GORAB: variants seen among roughly 807,000 people sequenced by gnomAD.
GORAB encodes the protein golgin, RAB6 interacting.
Under a neutral mutation model 29.9 loss-of-function variants are expected in GORAB, and 17 were observed. The ratio of observed to expected loss-of-function variants is 0.57; its 90% confidence interval spans 0.39 to 0.85. GORAB has a LOEUF of 0.85. GORAB is among the 40% of genes least tolerant of loss of function. GORAB has a pLI of 0.00. For missense variants in GORAB, 442 were observed against 437.8 expected, an observed-to-expected ratio of 1.01 and a Z score of -0.09; for synonymous variants, 183 against 157.2, an observed-to-expected ratio of 1.16 and a Z score of -1.23.
intron 2 of GORAB, among the ~76,000 whole-genome samples, chr1:170,540,237 G>C (rs916441005): frequency 6.6e-6 from 1 of 151,950 alleles, no homozygotes; most frequent in Non-Finnish European, 1.5e-5. Flanking sequence ...ATTCTTTACT[G>C]TCTTTGTATT....
At chr1:170,544,486 T>A (rs978103881) in intron 3 of GORAB, among the ~76,000 whole-genome samples, 1 of 152,238 alleles carries the variant, frequency 6.6e-6, no homozygotes, top group Non-Finnish European at 1.5e-5. Flanking sequence ...TGAGTTTTTT[T>A]AGACTTATTT....
chr1:170,545,485 A>T (rs1649701301), intron 4 of GORAB: 4 of 983,196 alleles, frequency 4.1e-6, no homozygotes, highest in African/African-American at 1.7e-5. Context: ...GAGTATTTTT[A>T]AAATGAACTA....
chr1:170,540,763 C>T (rs1649366168), intron 2 of GORAB, among the ~76,000 whole-genome samples: 1 of 152,100 alleles, frequency 6.6e-6, no homozygotes, highest in South Asian at 2.1e-4. Flanking sequence ...AGACCTGTAA[C>T]CTCAAACCAT....
chr1:170,532,255 A>G lies in GORAB; in HGVS notation c.32A>G (p.Glu11Gly), dbSNP rs145575524. 1.9e-6 allele frequency: 3 copies of G among 1,613,946 alleles called. No homozygotes were observed. The African/African-American group carries it at 4.0e-5, about 22-fold the overall frequency. ...CAAGGTTGGGCAGGATTCTCTGAGG[A>G]GGAACTGAGGAGACTAAAGCAGACT... The part of the protein sequence containing the change: MAQGWAGFSE[E>G]ELRRLKQTKD... Residue 11 changes from glutamate (E) to glycine (G), a missense_variant, in exon 1 of 5, where the codon GAG (glutamate) becomes GGG (glycine). By Grantham distance (98) the Glu-to-Gly change is moderately conservative. Transcript: ENST00000367763.
chr1:170,535,978 A>G (rs1267801482), intron 1 of GORAB, among the ~76,000 whole-genome samples: 3 of 152,174 alleles, frequency 2.0e-5, no homozygotes, highest in South Asian at 2.1e-4. Flanking sequence ...GCACCCAGCC[A>G]GTATTCTTGA....
intron 2 of GORAB, among the ~76,000 whole-genome samples, chr1:170,541,317 T>G (rs543087309): frequency 6.6e-6 from 1 of 151,948 alleles, no homozygotes; most frequent in East Asian, 1.9e-4. Flanking sequence ...GGGGATGCCT[T>G]CCTTCCTAGC....
Position 170,539,190 on chromosome 1 carries a change from C to T in GORAB, c.62-20C>T. ...TTGCTGCCCACACAAAGGAATTTTC[C>T]TCTATTTTCTTTTACATAGATCCAT... is the stretch of plus-strand genomic sequence containing the variant. On this transcript the variant is annotated intron_variant, in intron 1 of 4. Coordinates refer to ENST00000367763, the MANE Select transcript of GORAB (RefSeq NM_152281.3). 6.2e-7 allele frequency: 1 copy of T among 1,613,712 alleles called. No homozygotes were observed. The highest frequency in any genetic ancestry group is 8.5e-7 in the Non-Finnish European group (1 of 1,179,814).
At chr1:170,543,874 G>T (rs1649595632) in intron 3 of GORAB, among the ~76,000 whole-genome samples, 1 of 152,118 alleles carries the variant, frequency 6.6e-6, no homozygotes, top group Non-Finnish European at 1.5e-5. Flanking sequence ...GAATCATACT[G>T]TTAAGTGAAG....
chr1:170,537,675 G>A (rs769434945), intron 1 of GORAB, among the ~76,000 whole-genome samples: 5 of 152,040 alleles, frequency 3.3e-5, no homozygotes, highest in Admixed American at 2.0e-4. Flanking sequence ...AAGGTGACTC[G>A]GAATTTGCCC....
At chr1:170,549,300 G>A (rs1412587933) in intron 4 of GORAB, among the ~76,000 whole-genome samples, 4 of 152,170 alleles carry the variant, frequency 2.6e-5, no homozygotes, top group Non-Finnish European at 4.4e-5. Context: ...GGCTGGTAGT[G>A]CAGTTTGTGA....
rs762459069 is a variant in GORAB, at chr1:170,532,257, G to A, written c.34G>A (p.Glu12Lys). ...AGGTTGGGCAGGATTCTCTGAGGAG[G>A]AACTGAGGAGACTAAAGCAGACTAA... ...AQGWAGFSEE[E>K]LRRLKQTKDP... The change falls in exon 1 of 5, where the codon GAA becomes AAA. Residue 12 changes from glutamate (E) to lysine (K), a missense_variant. Coordinates refer to ENST00000367763, the MANE Select transcript of GORAB (RefSeq NM_152281.3). The A allele has an allele frequency of 1.2e-6, 2 of 1,614,158 alleles. No individual in the cohort carries two copies. The highest frequency in any genetic ancestry group is 1.1e-5 in the South Asian group (1 of 91,082).
At chr1:170,533,574 C>T (rs1176895251) in intron 1 of GORAB, 1 of 454,812 alleles carries the variant, frequency 2.2e-6, no homozygotes. Flanking sequence ...ACAAGAGGAA[C>T]CTCACTCTGC....
In GORAB at chr1:170,552,690, C is replaced by T. The variant is rs1190632904; in HGVS notation, c.*228C>T. 5 of 575,848 alleles carry T rather than the reference C, an allele frequency of 8.7e-6. No individual in the cohort carries two copies. The highest frequency in any genetic ancestry group is 1.8e-5 in the African/African-American group (1 of 54,134). 35.7% of individuals were successfully genotyped at this position (575,848 alleles called of 1,614,324 possible). On this transcript the variant is annotated 3_prime_UTR_variant, in exon 5 of 5. Transcript: ENST00000367763. Reference sequence around the variant, plus strand: ...TTTTGGCCCGGTTCTTTCAGTGTTCCGTTTACCCTTTTTACTGAAAGTAAG... The same window carrying T: ...TTTTGGCCCGGTTCTTTCAGTGTTCTGTTTACCCTTTTTACTGAAAGTAAG...
rs1302515778 is a variant in GORAB at position 170,539,446 on chromosome 1, C to T, written c.298C>T (p.Pro100Ser). The T allele has an allele frequency of 6.2e-7, 1 of 1,614,124 alleles. No individual in the cohort carries two copies. Among genetic ancestry groups the T allele is most frequent in the Admixed American group, 1.7e-5 (1 of 60,014 alleles). Residue 100 changes from proline to serine, a missense_variant, in exon 2 of 5, where the codon CCA becomes TCA. By Grantham distance (74) the Pro-to-Ser change is moderately conservative (BLOSUM62 -1). Coordinates refer to ENST00000367763, the MANE Select transcript of GORAB (RefSeq NM_152281.3). ...CACCTCCCCCGTTGGTGATGGACAA[C>T]CACAGGGCATTGAAAGTCAGCCAAA... ...TLTSPVGDGQPQGIESQPKEL... is the reference protein window; with the variant it reads ...TLTSPVGDGQSQGIESQPKEL...
rs1276878488 is a variant in GORAB at position 170,553,741 on chromosome 1, A to G, written c.*1279A>G. On this transcript the variant is annotated 3_prime_UTR_variant, in exon 5 of 5. Transcript: ENST00000367763. The stretch of plus-strand genomic sequence containing the variant: ...CTTCTCTAAACAGAAGCATTTCTAT[A>G]GATAGTTGTGCTTTTATTTATGAAA... 4 of 452,320 alleles carry G rather than the reference A, an allele frequency of 8.8e-6. No individual in the cohort carries two copies. Among genetic ancestry groups the G allele is most frequent in the Non-Finnish European group, 1.8e-5 (4 of 226,426 alleles). 28.0% of individuals were successfully genotyped at this position (452,320 alleles called of 1,614,324 possible). A position where few individuals can be genotyped will look rare whatever the true frequency, so the allele number is the denominator to read the frequency against.
intron 2 of GORAB, chr1:170,539,769 G>A: frequency 1.7e-6 from 1 of 588,506 alleles, no homozygotes; most frequent in Non-Finnish European, 2.9e-6. Context: ...TATGTTTTAT[G>A]TTCTTTAGTC....
intron 2 of GORAB, among the ~76,000 whole-genome samples, chr1:170,539,959 T>C (rs555854189): frequency 2.0e-5 from 3 of 151,878 alleles, no homozygotes; most frequent in African/African-American, 7.2e-5. Flanking sequence ...GCAGTTCTTT[T>C]TTTCTTTCTT....
rs1448449089 is a variant in GORAB at position 170,536,832 on chromosome 1, TA to T, written c.62-2375del. ...GATGTACAGCACAAAACCCTTTTTA[TA>T]AAGTCAAACAACTAAGTAAATACTT... On this transcript the variant is annotated intron_variant, in intron 1 of 4. Transcript: ENST00000367763. 4.6e-5 allele frequency among the ~76,000 whole-genome samples: 7 copies of T among 152,320 alleles called. No homozygotes were observed. The South Asian group carries it at 1.5e-3, about 32-fold the overall frequency.
chr1:170,538,945 C>T, intron 1 of GORAB: 1 of 477,560 alleles, frequency 2.1e-6, no homozygotes, highest in Non-Finnish European at 3.7e-6. Flanking sequence ...CACTTTGTGA[C>T]CTAAGGCCTA....
Sources: gnomAD v4.1 joint callset for allele counts (sites outside exome capture counted in the v4.1 genomes callset) on GRCh38, gnomAD v4.1.1 for gene constraint, MANE v1.5 for transcripts, NCBI Gene and HGNC (gene_info 2026-07-23, HGNC 2026-07-21) for gene names.